SETBP1: variants seen among roughly 807,000 people sequenced by gnomAD.
The protein encoded by SETBP1 is SET binding protein 1.
SETBP1 carries 9 observed loss-of-function variants against 101.0 expected under a neutral mutation model. The observed-to-expected ratio is 0.09, with a 90% CI of 0.05 to 0.16. SETBP1 has a LOEUF of 0.16. Among genes scored for constraint, SETBP1 ranks in the 10% least tolerant of loss-of-function variants. SETBP1 has a pLI of 1.00. For missense variants in SETBP1, 1,858 were observed against 2,033.8 expected (o/e 0.91, Z 1.66); for synonymous variants, 818 against 788.5 (o/e 1.04, Z -0.63).
chr18:44,858,668 T>C (rs1440513486), intron 2 of SETBP1, among the ~76,000 whole-genome samples: 1 of 152,162 alleles, frequency 6.6e-6, no homozygotes, highest in Non-Finnish European at 1.5e-5. Context: ...TTGTCTTCCT[T>C]GAAGGCCCTG....
chr18:44,723,725 G>T (rs1359472214), intron 2 of SETBP1, among the ~76,000 whole-genome samples: 1 of 152,142 alleles, frequency 6.6e-6, no homozygotes, highest in Non-Finnish European at 1.5e-5. Flanking sequence ...TTATTTCCCA[G>T]CTGCCCTGTG....
rs762673953 is a variant in SETBP1, at chr18:44,953,222, C to T, written c.3882C>T (p.Asp1294=). ...MNPSNDKWDS[D]VSGSKRRSYE... The stretch of plus-strand genomic sequence containing the variant: ...CTTCGAATGACAAGTGGGACAGTGA[C>T]GTGAGTGGGAGTAAAAGGAGGAGCT... The change falls in exon 4 of 6, where the codon GAC becomes GAT. Residue 1294 remains aspartate (D), a synonymous_variant. Coordinates refer to ENST00000649279, the MANE Select transcript of SETBP1 (RefSeq NM_015559.3). 68 of 1,613,844 alleles carry T rather than the reference C, an allele frequency of 4.2e-5. No homozygotes were observed. The highest frequency in any genetic ancestry group is 1.6e-4 in the Middle Eastern group (1 of 6,084).
chr18:44,762,853 A>G (rs1359652274), intron 2 of SETBP1, among the ~76,000 whole-genome samples: 1 of 152,236 alleles, frequency 6.6e-6, no homozygotes, highest in African/African-American at 2.4e-5. Flanking sequence ...TTTAGCTCTT[A>G]AGTTAGATCA....
At chr18:45,062,577 C>A (rs1347429161) in intron 5 of SETBP1, among the ~76,000 whole-genome samples, 1 of 152,322 alleles carries the variant, frequency 6.6e-6, no homozygotes, top group South Asian at 2.1e-4. Flanking sequence ...ATCGATAGTA[C>A]ATCTGCTTGA....
chr18:45,034,246 G>A (rs1425147813), intron 4 of SETBP1, among the ~76,000 whole-genome samples: 1 of 152,136 alleles, frequency 6.6e-6, no homozygotes, highest in Non-Finnish European at 1.5e-5. Flanking sequence ...CAATGCTTTG[G>A]TCTCTGACCT....
At chr18:44,765,894 C>T (rs900593108) in intron 2 of SETBP1, among the ~76,000 whole-genome samples, 4 of 152,210 alleles carry the variant, frequency 2.6e-5, no homozygotes, top group African/African-American at 9.7e-5. Flanking sequence ...TTGCAGTATG[C>T]TGCCCCTCAA....
At position 44,876,939 on chromosome 18, in the gene SETBP1, G is replaced by A. The variant is rs76154044; in HGVS notation, c.540+7656G>A. On this transcript the variant is annotated intron_variant, in intron 3 of 5. Transcript: ENST00000649279. ...ATCCAAAAAGATCCAGCTTCACAAT[G>A]CTGCCCTGAAGAGATAATGCATTAG... is the stretch of plus-strand genomic sequence containing the variant. 1.8e-3 allele frequency: 2,397 copies of A among 1,354,068 alleles called. 38 individuals are homozygous for A. In the African/African-American group the frequency reaches 0.032, roughly 18 times the overall value. The allele number at this position is 1,354,068 out of a possible 1,614,324, so 83.9% of individuals were successfully genotyped here.
At chr18:44,696,552 G>C (rs1268873373) in intron 1 of SETBP1, among the ~76,000 whole-genome samples, 1 of 152,198 alleles carries the variant, frequency 6.6e-6, no homozygotes, top group Non-Finnish European at 1.5e-5. Flanking sequence ...GAGGGAGGAT[G>C]TACTCTGGAA....
chr18:44,885,909 T>C (rs965781041), intron 3 of SETBP1, among the ~76,000 whole-genome samples: 6 of 149,946 alleles, frequency 4.0e-5, no homozygotes, highest in Admixed American at 6.7e-5. Flanking sequence ...AATTCTGCTA[T>C]TCCTTGTGTC....
intron 3 of SETBP1, among the ~76,000 whole-genome samples, chr18:44,873,174 G>T (rs1001036015): frequency 6.6e-6 from 1 of 152,176 alleles, no homozygotes; most frequent in Admixed American, 6.5e-5. Flanking sequence ...CATTCAACAG[G>T]CATCCATGGA....
chr18:44,869,973 G>C (rs2069236072), intron 3 of SETBP1: 1 of 162,348 alleles, frequency 6.2e-6, no homozygotes, highest in African/African-American at 2.4e-5. Flanking sequence ...CATAGAGCCT[G>C]GTGTAGTTAG....
At chr18:44,973,726 A>G (rs1233731169) in intron 4 of SETBP1, among the ~76,000 whole-genome samples, 2 of 152,186 alleles carry the variant, frequency 1.3e-5, no homozygotes, top group African/African-American at 4.8e-5. Flanking sequence ...GCTCTGAAAG[A>G]GGCAAGAAAA....
chr18:44,888,700 T>C (rs685553), intron 3 of SETBP1, among the ~76,000 whole-genome samples: 81,395 of 151,886 alleles, frequency 0.54, 21,942 homozygotes, highest in Non-Finnish European at 0.55. Flanking sequence ...ATTAATAACA[T>C]TGATGCTACT....
rs2069109143 is a variant in SETBP1 at position 44,701,157 on chromosome 18, T to A, written c.-172-18T>A. 1 of 505,204 alleles carries A rather than the reference T, an allele frequency of 2.0e-6. No individual in the cohort carries two copies. The allele number at this position is 505,204 out of a possible 1,614,324, so 31.3% of individuals were successfully genotyped here. ...CATTTTCCTTTCTGCCATGCCTAAC[T>A]GTCTCTTTGCTTCTCAGTTGCAGAT... On this transcript the variant is annotated intron_variant, in intron 1 of 5. Transcript: ENST00000649279.
chr18:44,684,197 A>G (rs940137117), intron 1 of SETBP1, among the ~76,000 whole-genome samples: 1 of 152,120 alleles, frequency 6.6e-6, no homozygotes, highest in Non-Finnish European at 1.5e-5. Flanking sequence ...GTTTCCCAAA[A>G]TGTTTTGGGC....
intron 3 of SETBP1, among the ~76,000 whole-genome samples, chr18:44,943,177 G>T (rs899704877): frequency 8.5e-5 from 13 of 152,184 alleles, no homozygotes; most frequent in African/African-American, 3.1e-4. Context: ...CATTCCTCCT[G>T]TTCATGAGCA....
At chr18:44,730,720 G>C (rs1429510973) in intron 2 of SETBP1, among the ~76,000 whole-genome samples, 1 of 152,204 alleles carries the variant, frequency 6.6e-6, no homozygotes, top group Non-Finnish European at 1.5e-5. Context: ...GGAGCAGCTA[G>C]AAGAGTTACA....
In SETBP1 at chr18:45,063,844, G is replaced by C. The variant is rs1192246007; in HGVS notation, c.*146G>C. The C allele has an allele frequency of 2.3e-6, 2 of 866,134 alleles. No individual in the cohort carries two copies. Among genetic ancestry groups the C allele is most frequent in the Non-Finnish European group, 3.5e-6 (2 of 571,476 alleles). 53.7% of individuals were successfully genotyped at this position (866,134 alleles called of 1,614,324 possible). A position where few individuals can be genotyped will look rare whatever the true frequency, so the allele number is the denominator to read the frequency against. On this transcript the variant is annotated 3_prime_UTR_variant, in exon 6 of 6. Transcript: ENST00000649279. ...GGCAGGCAGAATCCGGCCAGACGAC[G>C]GGGCTGAGCCATCAGGAGCTCTTGG...
At chr18:45,061,673 G>T (rs573286857) in intron 5 of SETBP1, among the ~76,000 whole-genome samples, 3 of 152,128 alleles carry the variant, frequency 2.0e-5, no homozygotes, top group Non-Finnish European at 4.4e-5. Context: ...AGAGAGAAAT[G>T]GGACAAAGCA....
Sources: allele counts gnomAD v4.1 joint callset (sites outside exome capture counted in the v4.1 genomes callset), GRCh38; gene constraint gnomAD v4.1.1; transcripts MANE v1.5; gene names NCBI Gene and HGNC (gene_info 2026-07-23, HGNC 2026-07-21).